The following CHST11 variants were observed in gnomAD, a reference collection of about 807,000 sequenced individuals.
CHST11 encodes C4S-1.
A neutral mutation model predicts 30.4 loss-of-function variants in CHST11; 9 were observed. That is an observed-to-expected ratio of 0.30 (90% CI 0.18 to 0.52). The LOEUF (loss-of-function observed/expected upper bound fraction) is 0.52, where lower values mean the gene tolerates loss of function less well. Among genes scored for constraint, CHST11 ranks in the 20% least tolerant of loss-of-function variants. The pLI, the probability that CHST11 is intolerant of heterozygous loss-of-function variation, is 0.97. For missense variants in CHST11, 348 were observed against 460.6 expected (o/e 0.76, Z 2.24); for synonymous variants, 152 against 187.8 (o/e 0.81, Z 1.56).
At chr12:104,545,171 A>G (rs2038334979) in intron 1 of CHST11, among the ~76,000 whole-genome samples, 1 of 108,042 alleles carries the variant, frequency 9.3e-6, no homozygotes, top group Non-Finnish European at 2.0e-5. Context: ...AAGCAAAAAA[A>G]TCAATCCATT....
At chr12:104,724,774 C>T (rs312151) in intron 2 of CHST11, among the ~76,000 whole-genome samples, 82,832 of 151,896 alleles carry the variant, frequency 0.55, 23,476 homozygotes, top group East Asian at 0.98. Context: ...ATAATACACA[C>T]GTTAGAGTAA....
At chr12:104,642,980 T>TGATGTTGG (rs1455108321) in intron 2 of CHST11, among the ~76,000 whole-genome samples, 5 of 152,194 alleles carry the variant, frequency 3.3e-5, no homozygotes, top group African/African-American at 9.7e-5. Flanking sequence ...GTCATACCAA[T>TGATGTTGG]TAGATGCCCA....
intron 1 of CHST11, among the ~76,000 whole-genome samples, chr12:104,519,378 C>T (rs890214486): frequency 1.3e-5 from 2 of 152,132 alleles, no homozygotes; most frequent in African/African-American, 4.8e-5. Context: ...AGACCATTAG[C>T]TAAAGCCAAC....
chr12:104,749,665 A>G (rs2040414749), intron 2 of CHST11, among the ~76,000 whole-genome samples: 1 of 152,168 alleles, frequency 6.6e-6, no homozygotes. Flanking sequence ...TGTCTTCCTG[A>G]TGTCCCCAGA....
intron 2 of CHST11, among the ~76,000 whole-genome samples, chr12:104,606,547 T>A (rs1364954563): frequency 6.6e-6 from 1 of 152,094 alleles, no homozygotes; most frequent in Non-Finnish European, 1.5e-5. Flanking sequence ...GGTTGAGCAA[T>A]GTGCCAATCA....
At chr12:104,524,673 C>T (rs940191448) in intron 1 of CHST11, among the ~76,000 whole-genome samples, 2 of 151,998 alleles carry the variant, frequency 1.3e-5, no homozygotes, top group African/African-American at 4.8e-5. Flanking sequence ...CATCCATCCA[C>T]CCATCCATCC....
rs1193128402 is a variant in CHST11, at chr12:104,761,742, G to A, written c.*3939G>A. 6.6e-6 allele frequency: 1 copy of A among 152,220 alleles called. No individual in the cohort carries two copies. Among genetic ancestry groups the A allele is most frequent in the Non-Finnish European group, 1.5e-5 (1 of 68,052 alleles). The allele number at this position is 152,220 out of a possible 1,614,324, so 9.4% of individuals were successfully genotyped here. On this transcript the variant is annotated 3_prime_UTR_variant, in exon 3 of 3. Coordinates refer to ENST00000303694, the MANE Select transcript of CHST11 (RefSeq NM_018413.6). Reference sequence around the variant, plus strand: ...CACTTTGTTAGGTCCAGAAGGAGCTGCCCATACTACTTTCTTATGAGCATG... The same window carrying A: ...CACTTTGTTAGGTCCAGAAGGAGCTACCCATACTACTTTCTTATGAGCATG...
chr12:104,633,847 C>G (rs2039296871), intron 2 of CHST11, among the ~76,000 whole-genome samples: 2 of 152,184 alleles, frequency 1.3e-5, no homozygotes, highest in African/African-American at 4.8e-5. Flanking sequence ...TGTCCCACAG[C>G]TGCATCTTCC....
At chr12:104,653,042 T>C (rs1056581227) in intron 2 of CHST11, among the ~76,000 whole-genome samples, 7 of 152,232 alleles carry the variant, frequency 4.6e-5, no homozygotes, top group African/African-American at 1.7e-4. Flanking sequence ...TTTTTAAGTG[T>C]ACAGTTCTGT....
intron 2 of CHST11, among the ~76,000 whole-genome samples, chr12:104,720,534 G>T (rs1161830186): frequency 6.6e-6 from 1 of 152,160 alleles, no homozygotes; most frequent in African/African-American, 2.4e-5. Flanking sequence ...GTCTCCCGGG[G>T]TCTCCCCAGG....
intron 1 of CHST11, among the ~76,000 whole-genome samples, chr12:104,486,644 A>T (rs568956945): frequency 3.0e-4 from 45 of 152,250 alleles, no homozygotes; most frequent in Admixed American, 2.7e-3. Context: ...CATGGTGAGT[A>T]TTTAATGACC....
At chr12:104,663,752 G>A (rs938342414) in intron 2 of CHST11, among the ~76,000 whole-genome samples, 1 of 152,160 alleles carries the variant, frequency 6.6e-6, no homozygotes, top group African/African-American at 2.4e-5. Context: ...CATTTCAAGG[G>A]CACTGACATA....
chr12:104,500,371 G>T (rs1254621615), intron 1 of CHST11, among the ~76,000 whole-genome samples: 3 of 151,678 alleles, frequency 2.0e-5, no homozygotes, highest in African/African-American at 7.2e-5. Context: ...GCGATGAGTG[G>T]CACAGAGAAT....
chr12:104,711,406 G>T (rs1050611510), intron 2 of CHST11, among the ~76,000 whole-genome samples: 4 of 152,106 alleles, frequency 2.6e-5, no homozygotes, highest in African/African-American at 4.8e-5. Flanking sequence ...ACATGGAGAT[G>T]GTAGGAAATA....
chr12:104,670,711 C>A (rs2039687222), intron 2 of CHST11, among the ~76,000 whole-genome samples: 1 of 149,880 alleles, frequency 6.7e-6, no homozygotes, highest in East Asian at 2.0e-4. Flanking sequence ...ACACATCATA[C>A]ATACACACCA....
At chr12:104,700,896 G>A (rs924669146) in intron 2 of CHST11, among the ~76,000 whole-genome samples, 1 of 152,084 alleles carries the variant, frequency 6.6e-6, no homozygotes, top group Admixed American at 6.5e-5. Flanking sequence ...GGATCACGAG[G>A]TCAGGAGATC....
chr12:104,489,965 A>G (rs903873590), intron 1 of CHST11, among the ~76,000 whole-genome samples: 6 of 152,218 alleles, frequency 3.9e-5, no homozygotes, highest in Non-Finnish European at 8.8e-5. Flanking sequence ...TACCTCAAGC[A>G]GGCACACAAA....
intron 1 of CHST11, among the ~76,000 whole-genome samples, chr12:104,469,129 C>G (rs923799951): frequency 6.6e-6 from 1 of 152,036 alleles, no homozygotes; most frequent in Admixed American, 6.6e-5. Flanking sequence ...AGTTTTTATC[C>G]TTTTAACATG....
chr12:104,637,302 T>TAAAAAAAAAAAAAAAA lies in CHST11; in HGVS notation c.204+35329_204+35344dup, dbSNP rs10622882. Among the ~76,000 whole-genome samples, 10 of 62,570 alleles carry TAAAAAAAAAAAAAAAA rather than the reference T, an allele frequency of 1.6e-4. 1 individual carries two copies. The highest frequency in any genetic ancestry group is 4.2e-4 in the African/African-American group (5 of 11,946). 41.0% of individuals were successfully genotyped at this position (62,570 alleles called of 152,430 possible). On this transcript the variant is annotated intron_variant, in intron 2 of 2. Transcript: ENST00000303694. The stretch of plus-strand genomic sequence containing the variant: ...CCTGGGCCATGGGAGTGAGACCCTG[T>TAAAAAAAAAAAAAAAA]AAAAAAAAAAAAAAAAAAAAAAAAA...
Sources: gnomAD v4.1 joint callset for allele counts (sites outside exome capture counted in the v4.1 genomes callset) on GRCh38, gnomAD v4.1.1 for gene constraint, MANE v1.5 for transcripts, NCBI Gene and HGNC (gene_info 2026-07-23, HGNC 2026-07-21) for gene names.